PDCD11: variants seen among roughly 807,000 people sequenced by gnomAD.
PDCD11 encodes the protein protein RRP5 homolog.
Under a neutral mutation model 198.9 loss-of-function variants are expected in PDCD11, and 97 were observed. The observed-to-expected ratio is 0.49, with a 90% CI of 0.41 to 0.58. PDCD11 has a LOEUF of 0.58. PDCD11 is among the 20% of genes least tolerant of loss of function. The probability of loss-of-function intolerance (pLI) is 0.00; values close to 1 mark genes in which losing one functional copy is unlikely to be tolerated. For missense variants in PDCD11, 2,102 were observed against 2,312.7 expected (o/e 0.91, Z 1.87); for synonymous variants, 893 against 918.0 (o/e 0.97, Z 0.49).
chr10:103,438,833 G>C (rs747389329), intron 27 of PDCD11, 25 bp downstream of exon 27: 1 of 1,612,444 alleles, frequency 6.2e-7, no homozygotes, highest in South Asian at 1.1e-5. Context: ...CTCTGCACCC[G>C]GACCCAAGTG....
At chr10:103,427,798 G>A (rs538069651) in intron 21 of PDCD11, among the ~76,000 whole-genome samples, 2 of 152,290 alleles carry the variant, frequency 1.3e-5, no homozygotes, top group South Asian at 4.2e-4. Flanking sequence ...TCATGGTGGG[G>A]TAGATTCTGA....
At chr10:103,444,813 C>A (rs2032531608) in intron 35 of PDCD11, 131 bp downstream of exon 35, 1 of 809,912 alleles carries the variant, frequency 1.2e-6, no homozygotes, top group South Asian at 1.6e-5. Context: ...TGCCCCAGGC[C>A]CAGTGACATT....
intron 21 of PDCD11, among the ~76,000 whole-genome samples, chr10:103,427,660 A>G (rs2031756512): frequency 1.3e-5 from 2 of 152,176 alleles, no homozygotes; most frequent in South Asian, 4.1e-4. Context: ...AAAAAGAAAC[A>G]TTTTTGCTCT....
chr10:103,415,143 A>G lies in PDCD11; in HGVS notation c.1510A>G (p.Lys504Glu). Residue 504 changes from lysine to glutamate, a missense_variant, in exon 12 of 36, where the codon AAG becomes GAG. Coordinates refer to ENST00000369797, the MANE Select transcript of PDCD11 (RefSeq NM_014976.2). ...GAAGTACCACATCGGGGATGAGGTCAAGTGCCGGGTGAGCCTCCTGAAGGG... is the reference window on the plus strand; with the variant it reads ...GAAGTACCACATCGGGGATGAGGTCGAGTGCCGGGTGAGCCTCCTGAAGGG... ...EKKYHIGDEV[K>E]CRVLLCDPEA... 6.2e-7 allele frequency: 1 copy of G among 1,613,856 alleles called. No individual in the cohort carries two copies. The highest frequency in any genetic ancestry group is 8.5e-7 in the Non-Finnish European group (1 of 1,180,016).
rs1248663290 is a variant in PDCD11 at position 103,443,987 on chromosome 10, G to T, written c.5197G>T (p.Ala1733Ser). The T allele has an allele frequency of 5.0e-6, 8 of 1,613,694 alleles. No individual in the cohort carries two copies. The highest frequency in any genetic ancestry group is 8.5e-7 in the Non-Finnish European group (1 of 1,179,960). Residue 1733 changes from alanine to serine, a missense_variant, in exon 34 of 36, where the codon GCC becomes TCC. Ala to Ser is a moderately conservative substitution (Grantham distance 99). Transcript: ENST00000369797. ...GAAAGCTGTGTGGATCAAATACGGC[G>T]CCTTCCTTCTGCGGAGGAGCCAGGC... The part of the protein sequence containing the change: ...QEKAVWIKYG[A>S]FLLRRSQAAA...
rs2030693035 is a variant in PDCD11 at position 103,409,909 on chromosome 10, G to C, written c.978+103G>C. ...GAGGTCCTAGGACTGCATGCATACAGGTGTGCAGAGAGGAGATGAGAGGAA... is the reference window on the plus strand; with the variant it reads ...GAGGTCCTAGGACTGCATGCATACACGTGTGCAGAGAGGAGATGAGAGGAA... On this transcript the variant is annotated intron_variant, in intron 8 of 35. Transcript: ENST00000369797. The C allele has an allele frequency of 1.0e-5, 8 of 799,800 alleles. No homozygotes were observed. In the Admixed American group the frequency reaches 1.5e-4, roughly 15 times the overall value. The allele number at this position is 799,800 out of a possible 1,614,324, so 49.5% of individuals were successfully genotyped here.
Position 103,445,384 on chromosome 10 carries a change from CTT to C in PDCD11, c.5453_5454del (p.Phe1818Ter). On this transcript the variant is annotated frameshift_variant, in exon 36 of 36. Coordinates refer to ENST00000369797, the MANE Select transcript of PDCD11 (RefSeq NM_014976.2). LOFTEE classifies it high-confidence loss of function. ...CTCTGCTTTTCCTCAACAGGGACAT[CTT>C]TGAGCGGGTCATTCATCTGAGCTTG... ...HGSQKDVRDI[F>X]ERVIHLSLAP... 1.2e-6 allele frequency: 2 copies of C among 1,614,204 alleles called. No individual in the cohort carries two copies. The highest frequency in any genetic ancestry group is 1.7e-6 in the Non-Finnish European group (2 of 1,180,040).
rs899233654 is a variant in PDCD11 at position 103,421,271 on chromosome 10, C to T, written c.2278-77C>T. 6.0e-6 allele frequency: 7 copies of T among 1,163,876 alleles called. No homozygotes were observed. In the African/African-American group the frequency reaches 6.1e-5, roughly 10 times the overall value. The allele number at this position is 1,163,876 out of a possible 1,614,324, so 72.1% of individuals were successfully genotyped here. ...CCCCATTTCCCCCTACTCACGTACC[C>T]CTTTCCAGGAACATCAAGTGGGTTG... On this transcript the variant is annotated intron_variant, in intron 16 of 35. Coordinates refer to ENST00000369797, the MANE Select transcript of PDCD11 (RefSeq NM_014976.2).
intron 30 of PDCD11, 115 bp downstream of exon 30, chr10:103,440,965 T>C (rs918023427): frequency 1.4e-6 from 1 of 713,874 alleles, no homozygotes; most frequent in Admixed American, 3.0e-5. Flanking sequence ...GCAGGGGCTG[T>C]CAGTTGCCTC....
At chr10:103,421,731 G>A (rs1172357400) in intron 17 of PDCD11, among the ~76,000 whole-genome samples, 164 bp downstream of exon 17, 2 of 151,946 alleles carry the variant, frequency 1.3e-5, no homozygotes, top group African/African-American at 4.8e-5. Flanking sequence ...TTGGGAGGCC[G>A]AGGCGGGTGG....
Position 103,443,972 on chromosome 10 carries a change from TG to T in PDCD11, c.5184del (p.Trp1728Ter). ...LKRFRQEKAV[W>X]IKYGAFLLRR... is the part of the protein sequence containing the mutation. Reference sequence around the variant, plus strand: ...GCGTTTCCGGCAGGAGAAAGCTGTGTGGATCAAATACGGCGCCTTCCTTCTG... The same window carrying T: ...GCGTTTCCGGCAGGAGAAAGCTGTGTGATCAAATACGGCGCCTTCCTTCTG... On this transcript the variant is annotated frameshift_variant, in exon 34 of 36. Transcript: ENST00000369797. LOFTEE classifies it high-confidence loss of function. The T allele has an allele frequency of 6.2e-7, 1 of 1,614,106 alleles. No individual in the cohort carries two copies.
chr10:103,434,844 G>A lies in PDCD11; in HGVS notation c.3714G>A (p.Val1238=). The part of the protein sequence containing the change: ...EEGEVAMGRV[V]KVTPNEGLTV... The stretch of plus-strand genomic sequence containing the variant: ...GGGAAGTGGCCATGGGCCGAGTGGT[G>A]AAGGTGACTCCCAACGAGGGGCTGA... Residue 1238 remains valine (V), a synonymous_variant, in exon 25 of 36, where the codon GTG becomes GTA. Coordinates refer to ENST00000369797, the MANE Select transcript of PDCD11 (RefSeq NM_014976.2). 6.2e-7 allele frequency: 1 copy of A among 1,612,602 alleles called. No individual in the cohort carries two copies. Among genetic ancestry groups the A allele is most frequent in the South Asian group, 1.1e-5 (1 of 90,780 alleles).
rs556620507 is a variant in PDCD11, at chr10:103,429,817, G to A, written c.3369-2312G>A. ...TCTGCTTCTCCCTCTCTTCCGCCCCGGCAACCACCATTTCCCCTTCCGTCT... is the reference window on the plus strand; with the variant it reads ...TCTGCTTCTCCCTCTCTTCCGCCCCAGCAACCACCATTTCCCCTTCCGTCT... On this transcript the variant is annotated intron_variant, in intron 21 of 35. Coordinates refer to ENST00000369797, the MANE Select transcript of PDCD11 (RefSeq NM_014976.2). 2.6e-4 allele frequency among the ~76,000 whole-genome samples: 39 copies of A among 151,934 alleles called. 1 individual carries two copies. The South Asian group carries it at 6.7e-3, about 26-fold the overall frequency.
rs371695882 is a variant in PDCD11 at position 103,427,444 on chromosome 10, A to G, written c.3368+53A>G. 13 of 1,369,258 alleles carry G rather than the reference A, an allele frequency of 9.5e-6. No individual in the cohort carries two copies. The African/African-American group carries it at 1.8e-4, about 19-fold the overall frequency. 84.8% of individuals were successfully genotyped at this position (1,369,258 alleles called of 1,614,324 possible). A position where few individuals can be genotyped will look rare whatever the true frequency, so the allele number is the denominator to read the frequency against. ...TACGGAAAGAGCACTGGGCTTTGGAATTAGGAATCCCGAATTCGAATCTTG... is the reference window on the plus strand; with the variant it reads ...TACGGAAAGAGCACTGGGCTTTGGAGTTAGGAATCCCGAATTCGAATCTTG... On this transcript the variant is annotated intron_variant, in intron 21 of 35. Transcript: ENST00000369797.
rs2032341926 is a variant in PDCD11, at chr10:103,440,591, T to C, written c.4440+10T>C. 1 of 1,609,036 alleles carries C rather than the reference T, an allele frequency of 6.2e-7. No individual in the cohort carries two copies. Among genetic ancestry groups the C allele is most frequent in the Non-Finnish European group, 8.5e-7 (1 of 1,178,318 alleles). On this transcript the variant is annotated intron_variant, in intron 29 of 35. Coordinates refer to ENST00000369797, the MANE Select transcript of PDCD11 (RefSeq NM_014976.2). The stretch of plus-strand genomic sequence containing the variant: ...GTCTGGGAGTGAGCAGGTGAGGTCC[T>C]GCGGAGGGCTGTGGCTGCCTATCCT...
At chr10:103,415,316 T>C (rs904815679) in intron 12 of PDCD11, among the ~76,000 whole-genome samples, 165 bp downstream of exon 12, 3 of 152,154 alleles carry the variant, frequency 2.0e-5, no homozygotes, top group Admixed American at 6.5e-5. Flanking sequence ...TTTTGTGTAG[T>C]ATAATTGGGA....
At chr10:103,424,604 G>A (rs892772683) in intron 19 of PDCD11, among the ~76,000 whole-genome samples, 2 of 152,212 alleles carry the variant, frequency 1.3e-5, no homozygotes, top group African/African-American at 4.8e-5. Context: ...GGGTGGGGGA[G>A]CTGCAGGACA....
At chr10:103,419,826 G>A in intron 16 of PDCD11, 118 bp downstream of exon 16, 1 of 885,538 alleles carries the variant, frequency 1.1e-6, no homozygotes, top group Non-Finnish European at 1.7e-6. Flanking sequence ...GTCTTGTTCT[G>A]TCGCCCAGGC....
At chr10:103,406,241 C>T (rs2030440481) in intron 6 of PDCD11, 133 bp downstream of exon 6, 2 of 1,015,992 alleles carry the variant, frequency 2.0e-6, no homozygotes, top group East Asian at 2.5e-5. Flanking sequence ...AAAACCAGCA[C>T]TTAATCCTAG....
Sources: gnomAD v4.1 joint callset for allele counts (sites outside exome capture counted in the v4.1 genomes callset) on GRCh38, gnomAD v4.1.1 for gene constraint, MANE v1.5 for transcripts, NCBI Gene and HGNC (gene_info 2026-07-23, HGNC 2026-07-21) for gene names.